Variants in ARHGAP15 observed in about 807,000 individuals in gnomAD.
The protein encoded by ARHGAP15 is rho GTPase-activating protein 15.
ARHGAP15 carries 51 observed loss-of-function variants against 63.7 expected under a neutral mutation model. That is an observed-to-expected ratio of 0.80 (90% confidence interval 0.64 to 1.01). ARHGAP15 has a LOEUF of 1.01. ARHGAP15 is among the 50% of genes least tolerant of loss of function. ARHGAP15 has a pLI of 0.00. For missense variants in ARHGAP15, 560 were observed against 564.6 expected (o/e 0.99, Z 0.08); for synonymous variants, 191 against 193.8 (o/e 0.99, Z 0.12).
intron 8 of ARHGAP15, 118 bp from the exon 9 acceptor site, chr2:143,487,255 C>A (rs903957848): frequency 4.2e-6 from 5 of 1,193,596 alleles, no homozygotes; most frequent in South Asian, 1.6e-5. Flanking sequence ...GACAGAAGAG[C>A]CTGAGCTATT....
chr2:143,470,617 A>G (rs1207686973), intron 8 of ARHGAP15, among the ~76,000 whole-genome samples: 4 of 149,474 alleles, frequency 2.7e-5, no homozygotes, highest in Non-Finnish European at 4.4e-5. Context: ...ATATATGTGT[A>G]TATATATACA....
At chr2:143,471,265 TAC>T (rs1244512422) in intron 8 of ARHGAP15, among the ~76,000 whole-genome samples, 2 of 150,480 alleles carry the variant, frequency 1.3e-5, no homozygotes, top group East Asian at 4.0e-4. Context: ...CATATATATA[TAC>T]ACATAGAGAG....
At chr2:143,409,538 T>C (rs917503483) in intron 6 of ARHGAP15, among the ~76,000 whole-genome samples, 3 of 152,142 alleles carry the variant, frequency 2.0e-5, no homozygotes, top group Non-Finnish European at 2.9e-5. Context: ...ATAAGCTCTC[T>C]GAAAAAATGT....
At chr2:143,723,811 C>G (rs1685165085) in intron 13 of ARHGAP15, among the ~76,000 whole-genome samples, 1 of 152,158 alleles carries the variant, frequency 6.6e-6, no homozygotes, top group South Asian at 2.1e-4. Context: ...TCTAGGTGAA[C>G]AAGAGTAGAC....
chr2:143,734,254 C>T (rs1574908081), intron 13 of ARHGAP15, among the ~76,000 whole-genome samples: 2 of 152,262 alleles, frequency 1.3e-5, no homozygotes, highest in Admixed American at 1.3e-4. Flanking sequence ...TACTTACTGA[C>T]CTTCAGCTTG....
At chr2:143,233,391 T>G (rs1202388877) in intron 5 of ARHGAP15, among the ~76,000 whole-genome samples, 1 of 152,098 alleles carries the variant, frequency 6.6e-6, no homozygotes, top group Non-Finnish European at 1.5e-5. Context: ...TAGTTGGTAG[T>G]CATTTTCAGT....
At chr2:143,300,430 C>T (rs536505350) in intron 6 of ARHGAP15, among the ~76,000 whole-genome samples, 1 of 152,014 alleles carries the variant, frequency 6.6e-6, no homozygotes, top group East Asian at 1.9e-4. Context: ...TTTGGTTGTC[C>T]ATATAGGATC....
Position 143,528,750 on chromosome 2 carries a change from A to T in ARHGAP15, c.925+9386A>T, listed in dbSNP as rs148772020. Among the ~76,000 whole-genome samples the T allele has an allele frequency of 1.9e-3, 290 of 152,256 alleles. 2 individuals are homozygous for T. The highest frequency in any genetic ancestry group is 6.8e-3 in the African/African-American group (281 of 41,558). On this transcript the variant is annotated intron_variant, in intron 10 of 13. Coordinates refer to ENST00000295095, the MANE Select transcript of ARHGAP15 (RefSeq NM_018460.4). ...GGATGACTAACTCTTTAGTCTCCCT[A>T]TAGAACAGTTGCACACCTAACAGAT...
intron 12 of ARHGAP15, among the ~76,000 whole-genome samples, chr2:143,637,176 C>T (rs777828531): frequency 6.6e-6 from 1 of 152,104 alleles, no homozygotes; most frequent in African/African-American, 2.4e-5. Context: ...ATTTTTGGGA[C>T]ACATTCAGTG....
chr2:143,500,114 ATCTT>A (rs1188438197), intron 9 of ARHGAP15, among the ~76,000 whole-genome samples: 1 of 151,860 alleles, frequency 6.6e-6, no homozygotes, highest in Non-Finnish European at 1.5e-5. Flanking sequence ...TCAACTTAAT[ATCTT>A]TCTAAGAGTT....
chr2:143,664,174 T>A (rs1379225156), intron 12 of ARHGAP15, among the ~76,000 whole-genome samples: 2 of 151,780 alleles, frequency 1.3e-5, no homozygotes, highest in African/African-American at 4.8e-5. Context: ...GAAGTAAAGC[T>A]CTCCTCAGCA....
chr2:143,309,866 TTGTG>T (rs10562854), intron 6 of ARHGAP15, among the ~76,000 whole-genome samples: 35,495 of 148,998 alleles, frequency 0.24, 5,305 homozygotes, highest in Non-Finnish European at 0.34. Flanking sequence ...ATATATGAAC[TTGTG>T]TGTGTGTGTG....
rs186536382 is a variant in ARHGAP15, at chr2:143,763,222, G to A, written c.1245-4767G>A. 2.0e-4 allele frequency among the ~76,000 whole-genome samples: 30 copies of A among 152,168 alleles called. No homozygotes were observed. In the East Asian group the frequency reaches 5.8e-3, roughly 29 times the overall value. On this transcript the variant is annotated intron_variant, in intron 13 of 13. Transcript: ENST00000295095. ...GACATATAATAATATAATTTTGCAG[G>A]ATAGTATTCTAACTGTATATTTGAA...
At chr2:143,242,858 G>A (rs971080202) in intron 5 of ARHGAP15, among the ~76,000 whole-genome samples, 1 of 152,054 alleles carries the variant, frequency 6.6e-6, no homozygotes, top group African/African-American at 2.4e-5. Flanking sequence ...CTCCATGAAC[G>A]ATTTTCCAGA....
chr2:143,549,841 G>T (rs1695479880), intron 10 of ARHGAP15, among the ~76,000 whole-genome samples: 1 of 152,138 alleles, frequency 6.6e-6, no homozygotes. Flanking sequence ...CTGGCCTATT[G>T]TCTACTCACC....
chr2:143,202,449 T>C (rs34583638), intron 3 of ARHGAP15, among the ~76,000 whole-genome samples: 25,706 of 151,994 alleles, frequency 0.17, 2,367 homozygotes, highest in Middle Eastern at 0.24. Flanking sequence ...TATGTGGTTG[T>C]TGGCTGGGTT....
In ARHGAP15 at chr2:143,525,063, A is replaced by G. The variant is rs372614156; in HGVS notation, c.925+5699A>G. Among the ~76,000 whole-genome samples, 167 of 152,264 alleles carry G rather than the reference A, an allele frequency of 1.1e-3. 1 individual carries two copies. The highest frequency in any genetic ancestry group is 3.9e-3 in the African/African-American group (162 of 41,560). On this transcript the variant is annotated intron_variant, in intron 10 of 13. Transcript: ENST00000295095. ...CGTTGCCTTTGAATCCAGGCCCCGA[A>G]ACTGCAGATCATATTGCCTTCCCTA...
intron 6 of ARHGAP15, among the ~76,000 whole-genome samples, chr2:143,271,471 T>TTTTG (rs764133743): frequency 6.6e-6 from 1 of 152,176 alleles, no homozygotes; most frequent in African/African-American, 2.4e-5. Context: ...TGTTGTTTGG[T>TTTTG]TTTGTTTGTT....
intron 6 of ARHGAP15, among the ~76,000 whole-genome samples, chr2:143,327,302 G>A (rs551749380): frequency 6.6e-5 from 10 of 152,270 alleles, no homozygotes; most frequent in East Asian, 1.9e-4. Flanking sequence ...AATCAATATC[G>A]TGAAAATTGC....
Sources: allele counts gnomAD v4.1 joint callset (sites outside exome capture counted in the v4.1 genomes callset), GRCh38; gene constraint gnomAD v4.1.1; transcripts MANE v1.5; gene names NCBI Gene and HGNC (gene_info 2026-07-23, HGNC 2026-07-21).